The following OAS2 variants were observed in gnomAD, a reference collection of about 807,000 sequenced individuals.
OAS2 encodes 2'-5'-oligoadenylate synthetase 2, also known as 2'-5'-oligoadenylate synthase 2.
A neutral mutation model predicts 71.3 loss-of-function variants in OAS2; 67 were observed. The observed-to-expected ratio is 0.94, with a 90% CI of 0.77 to 1.15. OAS2 has a LOEUF of 1.15. Among genes scored for constraint, OAS2 ranks in the 50% most tolerant of loss-of-function variants. The pLI, the probability that OAS2 is intolerant of heterozygous loss-of-function variation, is 0.00. For missense variants in OAS2, 789 were observed against 822.5 expected (o/e 0.96, Z 0.50); for synonymous variants, 327 against 321.8 (o/e 1.02, Z -0.17).
At chr12:113,004,407 A>T (rs2044313213) in intron 6 of OAS2, among the ~76,000 whole-genome samples, 1 of 152,192 alleles carries the variant, frequency 6.6e-6, no homozygotes, top group Admixed American at 6.5e-5. Flanking sequence ...GGGAAGGGAG[A>T]AGCCTTAATG....
chr12:113,003,007 T>C lies in OAS2; in HGVS notation c.1084T>C (p.Phe362Leu), dbSNP rs984090888. Residue 362 changes from phenylalanine (F) to leucine (L), a missense_variant, in exon 6 of 10, where the codon TTC (phenylalanine) becomes CTC (leucine). Phe to Leu is a conservative substitution (Grantham distance 22). Transcript: ENST00000392583. ...IKEFLQPNKC[F>L]LEQIDSAVNI... ...GGAGTTTCTCCAGCCCAACAAATGCTTCCTAGAGCAGATTGACAGTGCTGT... is the reference window on the plus strand; with the variant it reads ...GGAGTTTCTCCAGCCCAACAAATGCCTCCTAGAGCAGATTGACAGTGCTGT... 8 of 1,614,054 alleles carry C rather than the reference T, an allele frequency of 5.0e-6. No homozygotes were observed. Among genetic ancestry groups the C allele is most frequent in the Non-Finnish European group, 6.8e-6 (8 of 1,180,014 alleles).
At position 112,997,549 on chromosome 12, in the gene OAS2, G is replaced by C. The variant is rs45530035; in HGVS notation, c.657G>C (p.Ser219=). The C allele has an allele frequency of 6.2e-7, 1 of 1,613,900 alleles. No homozygotes were observed. Among genetic ancestry groups the C allele is most frequent in the Middle Eastern group, 1.6e-4 (1 of 6,062 alleles). ...AGAAAAAAATCAAGGATTTACCCTC[G>C]CTGTCTCCGTATGCCCTGGAGCTGC... ...QCQKKIKDLP[S]LSPYALELLT... The change falls in exon 4 of 10, where the codon TCG becomes TCC. Residue 219 remains serine (S), a synonymous_variant. Coordinates refer to ENST00000392583, the MANE Select transcript of OAS2 (RefSeq NM_002535.3).
intron 3 of OAS2, among the ~76,000 whole-genome samples, chr12:112,995,759 T>C (rs7960646): frequency 0.047 from 7,154 of 152,246 alleles, 566 homozygotes; most frequent in African/African-American, 0.16. Flanking sequence ...TGGGATTATA[T>C]GGTACATACT....
rs761358479 is a variant in OAS2 at position 112,986,997 on chromosome 12, C to A, written c.178-41C>A. On this transcript the variant is annotated intron_variant, in intron 1 of 9. Transcript: ENST00000392583. ...TGCCTGCTAGAGATCCCTGTAACCC[C>A]AGAATCTAGTGTCTCATATCTGCTT... 1.1e-5 allele frequency: 17 copies of A among 1,565,220 alleles called. No homozygotes were observed. In the African/African-American group the frequency reaches 1.2e-4, roughly 11 times the overall value.
Position 112,998,430 on chromosome 12 carries a change from A to G in OAS2, c.1008+20A>G, listed in dbSNP as rs751869507. 1 of 1,603,340 alleles carries G rather than the reference A, an allele frequency of 6.2e-7. No homozygotes were observed. The highest frequency in any genetic ancestry group is 1.3e-5 in the African/African-American group (1 of 74,086). On this transcript the variant is annotated intron_variant, in intron 5 of 9. Coordinates refer to ENST00000392583, the MANE Select transcript of OAS2 (RefSeq NM_002535.3). The stretch of plus-strand genomic sequence containing the variant: ...GTTCTGGTAAGAGGGTTTTCCAAAT[A>G]CAGGGTGTTTCATGCTGCAGGAAGG...
Position 113,005,047 on chromosome 12 carries a change from C to T in OAS2, c.1293C>T (p.Ile431=), listed in dbSNP as rs186647423. 6 of 1,614,152 alleles carry T rather than the reference C, an allele frequency of 3.7e-6. No homozygotes were observed. Among genetic ancestry groups the T allele is most frequent in the East Asian group, 4.5e-5 (2 of 44,870 alleles). Residue 431 remains isoleucine, a synonymous_variant, in exon 7 of 10, where the codon ATC becomes ATT. Transcript: ENST00000392583. ...YTSQKNERHK[I]VKEIHEQLKA... ...CCCAAAAAAACGAGCGGCACAAAAT[C>T]GTCAAGGAAATCCATGAACAGCTGA...
At chr12:112,987,632 G>T in intron 2 of OAS2, 1 of 1,193,776 alleles carries the variant, frequency 8.4e-7, no homozygotes, top group Non-Finnish European at 1.0e-6. Context: ...CTGAGTTAGA[G>T]CCCAGGATTT....
chr12:113,009,520 C>G lies in OAS2; in HGVS notation c.*265C>G. On this transcript the variant is annotated 3_prime_UTR_variant, in exon 10 of 10. Coordinates refer to ENST00000392583, the MANE Select transcript of OAS2 (RefSeq NM_002535.3). ...TCCTCTCCCAGTGACAACCAAAAGT[C>G]TTCAGACATTGTCAAACGTTCCCCT... 3 of 1,151,020 alleles carry G rather than the reference C, an allele frequency of 2.6e-6. No individual in the cohort carries two copies. The South Asian group carries it at 1.1e-4, about 41-fold the overall frequency. 71.3% of individuals were successfully genotyped at this position (1,151,020 alleles called of 1,614,324 possible). A position where few individuals can be genotyped will look rare whatever the true frequency, so the allele number is the denominator to read the frequency against.
chr12:113,005,421 G>GCA (rs111981476), intron 7 of OAS2, among the ~76,000 whole-genome samples, 199 bp downstream of exon 7: 7 of 152,036 alleles, frequency 4.6e-5, no homozygotes, highest in African/African-American at 1.7e-4. Flanking sequence ...ATGGGGCTGT[G>GCA]TGCCTATAAT....
intron 1 of OAS2, among the ~76,000 whole-genome samples, chr12:112,984,449 A>T (rs1435375568): frequency 6.6e-6 from 1 of 152,134 alleles, no homozygotes; most frequent in African/African-American, 2.4e-5. Flanking sequence ...CATTCAGTCT[A>T]TATGTATCTT....
At position 113,001,887 on chromosome 12, in the gene OAS2, A is replaced by AAAAAT. The variant is rs56814612; in HGVS notation, c.1009-1044_1009-1043insAAATA. 6.2e-3 allele frequency among the ~76,000 whole-genome samples: 685 copies of AAAAAT among 110,640 alleles called. 15 individuals carry two copies. The highest frequency in any genetic ancestry group is 7.3e-3 in the African/African-American group (190 of 25,916). The allele number at this position is 110,640 out of a possible 152,430, so 72.6% of individuals were successfully genotyped here. On this transcript the variant is annotated intron_variant, in intron 5 of 9. Transcript: ENST00000392583. ...ACAAAAAAAAAAAAAAAAAAAAAAA[A>AAAAAT]AGCTAGGCGTGGTGGCACAAACCTG...
Position 113,009,090 on chromosome 12 carries a change from T to G in OAS2, c.1899T>G (p.Pro633=). Residue 633 remains proline, a synonymous_variant, in exon 10 of 10, where the codon CCT becomes CCG. Transcript: ENST00000392583. ...FLLSQLQKTR[P]VILDPAEPTG... ...TGCCTTCTAACCTCTCATTCAGGCCTGTGATCTTGGACCCAGCCGAACCCA... is the reference window on the plus strand; with the variant it reads ...TGCCTTCTAACCTCTCATTCAGGCCGGTGATCTTGGACCCAGCCGAACCCA... The G allele has an allele frequency of 1.2e-6, 2 of 1,613,092 alleles. No homozygotes were observed. Among genetic ancestry groups the G allele is most frequent in the South Asian group, 1.1e-5 (1 of 90,974 alleles).
intron 2 of OAS2, 187 bp downstream of exon 2, chr12:112,987,495 C>T (rs2044150442): frequency 1.4e-6 from 2 of 1,433,462 alleles, no homozygotes; most frequent in Non-Finnish European, 9.1e-7. Context: ...TAACTTCTCC[C>T]CCATACCCTG....
rs770596565 is a variant in OAS2, at chr12:113,011,481, T to C, written c.*2226T>C. On this transcript the variant is annotated 3_prime_UTR_variant, in exon 10 of 10. Transcript: ENST00000392583. The stretch of plus-strand genomic sequence containing the variant: ...CTGGAAATTGAGTTCAATTTTAACA[T>C]GGCCAGTGATTTAAGCAATGCTGCC... 1 of 152,234 alleles carries C rather than the reference T, an allele frequency of 6.6e-6. No homozygotes were observed. The highest frequency in any genetic ancestry group is 1.5e-5 in the Non-Finnish European group (1 of 68,044). 9.4% of individuals were successfully genotyped at this position (152,234 alleles called of 1,614,324 possible). A position where few individuals can be genotyped will look rare whatever the true frequency, so the allele number is the denominator to read the frequency against.
At chr12:112,992,814 G>T (rs2044203410) in intron 2 of OAS2, among the ~76,000 whole-genome samples, 1 of 152,082 alleles carries the variant, frequency 6.6e-6, no homozygotes, top group African/African-American at 2.4e-5. Context: ...AGGGTTGGGG[G>T]TGGGGGCCTG....
chr12:113,004,862 G>T (rs962622437), intron 6 of OAS2, 72 bp from the exon 7 acceptor site: 37 of 1,515,386 alleles, frequency 2.4e-5, no homozygotes, highest in Middle Eastern at 2.1e-4. Flanking sequence ...AGCCCAACTG[G>T]TGCCAGCCCA....
Position 113,009,643 on chromosome 12 carries a change from A to G in OAS2, c.*388A>G, listed in dbSNP as rs1485050471. On this transcript the variant is annotated 3_prime_UTR_variant, in exon 10 of 10. Coordinates refer to ENST00000392583, the MANE Select transcript of OAS2 (RefSeq NM_002535.3). ...CTGAAAGCGGCCACGGTGCCTCCAG[A>G]TGGCAGGTTTGCAATCCAAGCAGGA... 2 of 993,814 alleles carry G rather than the reference A, an allele frequency of 2.0e-6. No homozygotes were observed. Among genetic ancestry groups the G allele is most frequent in the Non-Finnish European group, 2.4e-6 (2 of 835,868 alleles). The allele number at this position is 993,814 out of a possible 1,614,324, so 61.6% of individuals were successfully genotyped here.
At chr12:112,995,506 A>C (rs780667641) in intron 3 of OAS2, 32 bp downstream of exon 3, 26 of 1,569,118 alleles carry the variant, frequency 1.7e-5, no homozygotes, top group Non-Finnish European at 2.3e-5. Flanking sequence ...TATGGTTATC[A>C]TTCATTTCCT....
Position 112,987,033 on chromosome 12 carries a change from G to A in OAS2, c.178-5G>A, listed in dbSNP as rs756510606. On this transcript the variant is annotated splice_polypyrimidine_tract_variant and splice_region_variant and intron_variant, in intron 1 of 9. Coordinates refer to ENST00000392583, the MANE Select transcript of OAS2 (RefSeq NM_002535.3). ...GTCTCATATCTGCTTCTTTGTCACT[G>A]GCAGGGTGGCTCCTATGGACGGAAA... The A allele has an allele frequency of 2.5e-6, 4 of 1,602,360 alleles. No homozygotes were observed. The South Asian group carries it at 3.3e-5, about 13-fold the overall frequency.
Sources: gnomAD v4.1 joint callset for allele counts (sites outside exome capture counted in the v4.1 genomes callset) on GRCh38, gnomAD v4.1.1 for gene constraint, MANE v1.5 for transcripts, NCBI Gene and HGNC (gene_info 2026-07-23, HGNC 2026-07-21) for gene names.